Variants in GOLM2 observed in about 807,000 individuals in gnomAD.
GOLM2 encodes protein GOLM2.
A neutral mutation model predicts 55.9 loss-of-function variants in GOLM2; 26 were observed. That is an observed-to-expected ratio of 0.47 (90% CI 0.34 to 0.65). The LOEUF is 0.65. Among genes scored for constraint, GOLM2 ranks in the 30% least tolerant of loss-of-function variants. The pLI, the probability that GOLM2 is intolerant of heterozygous loss-of-function variation, is 0.01. For synonymous variants in GOLM2, 165 were observed against 194.6 expected, an observed-to-expected ratio of 0.85 and a Z score of 1.27; for missense variants, 486 against 531.8, an observed-to-expected ratio of 0.91 and a Z score of 0.85.
Position 44,289,207 on chromosome 15 carries a change from C to T in GOLM2, c.178C>T (p.Arg60Cys), listed in dbSNP as rs1595607579. 1.9e-6 allele frequency: 3 copies of T among 1,614,090 alleles called. No homozygotes were observed. The highest frequency in any genetic ancestry group is 2.5e-6 in the Non-Finnish European group (3 of 1,180,022). ...QGQVQRTEVARGRLEKRNSDL... is the reference protein window; with the variant it reads ...QGQVQRTEVACGRLEKRNSDL... ...CCAGGTCCAGCGCACCGAAGTGGCCCGCGGGCGGCTGGAAAAGCGCAATTC... is the reference window on the plus strand; with the variant it reads ...CCAGGTCCAGCGCACCGAAGTGGCCTGCGGGCGGCTGGAAAAGCGCAATTC... The change falls in exon 1 of 10, where the codon CGC (arginine) becomes TGC (cysteine). Residue 60 changes from arginine to cysteine, a missense_variant. By Grantham distance (180) the Arg-to-Cys change is radical. Coordinates refer to ENST00000299957, the MANE Select transcript of GOLM2 (RefSeq NM_138423.4). This position sits in a 1 kb window ranked among gnomAD's most constrained non-coding sequence, Gnocchi z 4.8.
chr15:44,379,616 T>G, intron 6 of GOLM2, 74 bp from the exon 7 acceptor site: 1 of 749,738 alleles, frequency 1.3e-6, no homozygotes, highest in Non-Finnish European at 2.2e-6. Context: ...TGATTCACGG[T>G]GGTTTTTTTT....
intron 1 of GOLM2, among the ~76,000 whole-genome samples, chr15:44,315,062 C>A (rs972814484): frequency 6.6e-6 from 1 of 152,144 alleles, no homozygotes; most frequent in Non-Finnish European, 1.5e-5. Flanking sequence ...ATCAGAATCA[C>A]GTAAGATTTT....
rs556671656 is a variant in GOLM2 at position 44,302,450 on chromosome 15, A to C, written c.327+13094A>C. Among the ~76,000 whole-genome samples the C allele has an allele frequency of 1.5e-3, 223 of 151,104 alleles. 1 individual carries two copies. The highest frequency in any genetic ancestry group is 5.2e-3 in the African/African-American group (215 of 41,210). ...ATGAGCCACCACGCCTAGTGGTTCT[A>C]GTTTTTTTCTTGTCTTCCAATGATA... On this transcript the variant is annotated intron_variant, in intron 1 of 9. Transcript: ENST00000299957.
intron 4 of GOLM2, among the ~76,000 whole-genome samples, chr15:44,336,528 A>G (rs1294774530): frequency 2.0e-5 from 3 of 152,226 alleles, no homozygotes; most frequent in African/African-American, 7.2e-5. Flanking sequence ...ACACGATGCA[A>G]ATATTTATTG....
intron 6 of GOLM2, among the ~76,000 whole-genome samples, chr15:44,373,456 C>CAA (rs571251472): frequency 5.9e-5 from 7 of 119,050 alleles, no homozygotes; most frequent in African/African-American, 1.9e-4. Flanking sequence ...GACTCCGTCT[C>CAA]AAAAAAAAAA....
At chr15:44,395,230 G>A (rs1269638222) in intron 8 of GOLM2, among the ~76,000 whole-genome samples, 6 of 148,076 alleles carry the variant, frequency 4.1e-5, no homozygotes, top group African/African-American at 7.5e-5. Flanking sequence ...CTGTGGTCTC[G>A]ATTTCCTGAC....
intron 6 of GOLM2, among the ~76,000 whole-genome samples, chr15:44,370,869 C>T (rs2079325242): frequency 6.6e-6 from 1 of 152,090 alleles, no homozygotes; most frequent in Non-Finnish European, 1.5e-5. Context: ...CTATGTTTTA[C>T]AGGCTGGTCT....
chr15:44,355,875 C>A (rs144267504), intron 6 of GOLM2, among the ~76,000 whole-genome samples: 1 of 151,710 alleles, frequency 6.6e-6, no homozygotes, highest in Non-Finnish European at 1.5e-5. Context: ...TGTCATGTAC[C>A]GTCAATAAAG....
In GOLM2 at chr15:44,289,327, G is replaced by A; in HGVS notation, c.298G>A (p.Gly100Ser). ...RLSSRLQARE[G>S]LGKRCEDDKV... Reference sequence around the variant, plus strand: ...CAGCAGCCGGCTGCAGGCCAGAGAGGGCCTCGGGAAGAGATGCGAGGATGA... The same window carrying A: ...CAGCAGCCGGCTGCAGGCCAGAGAGAGCCTCGGGAAGAGATGCGAGGATGA... Residue 100 changes from glycine to serine, a missense_variant, in exon 1 of 10, where the codon GGC becomes AGC. Coordinates refer to ENST00000299957, the MANE Select transcript of GOLM2 (RefSeq NM_138423.4). The surrounding 1 kb of genome is among the most constrained non-coding windows in gnomAD (Gnocchi z 4.8). 1 of 1,613,220 alleles carries A rather than the reference G, an allele frequency of 6.2e-7. No homozygotes were observed. Among genetic ancestry groups the A allele is most frequent in the Non-Finnish European group, 8.5e-7 (1 of 1,179,710 alleles).
chr15:44,395,314 T>C (rs2079518126), intron 8 of GOLM2, among the ~76,000 whole-genome samples: 1 of 151,698 alleles, frequency 6.6e-6, no homozygotes, highest in African/African-American at 2.4e-5. Flanking sequence ...GGCCAAAATA[T>C]AAACTTTTAA....
chr15:44,316,987 A>G (rs1051393780), intron 1 of GOLM2, among the ~76,000 whole-genome samples: 1 of 152,018 alleles, frequency 6.6e-6, no homozygotes, highest in East Asian at 1.9e-4. Context: ...CAGGCTGAAT[A>G]TATATATTCA....
At chr15:44,413,248 C>G in intron 9 of GOLM2, 88 bp from the exon 10 acceptor site, 1 of 924,450 alleles carries the variant, frequency 1.1e-6, no homozygotes, top group Non-Finnish European at 1.7e-6. Flanking sequence ...AGGAAACTAC[C>G]TTAAGGCTAT....
At chr15:44,342,736 G>A (rs892668173) in intron 6 of GOLM2, among the ~76,000 whole-genome samples, 2 of 152,184 alleles carry the variant, frequency 1.3e-5, no homozygotes, top group East Asian at 1.9e-4. Flanking sequence ...ATGCAAACAC[G>A]AAGGAAAGCC....
At chr15:44,304,990 T>A (rs1405566744) in intron 1 of GOLM2, among the ~76,000 whole-genome samples, 1 of 152,138 alleles carries the variant, frequency 6.6e-6, no homozygotes, top group African/African-American at 2.4e-5. Flanking sequence ...ATTTTAGCCT[T>A]CTTCTATGAA....
At chr15:44,327,656 T>A (rs1220654495) in intron 2 of GOLM2, among the ~76,000 whole-genome samples, 2 of 152,232 alleles carry the variant, frequency 1.3e-5, no homozygotes, top group Non-Finnish European at 2.9e-5. Flanking sequence ...TGTTAGCTGT[T>A]TTTAAAATCA....
chr15:44,343,834 A>AAG (rs2079104791), intron 6 of GOLM2, among the ~76,000 whole-genome samples: 1 of 151,862 alleles, frequency 6.6e-6, no homozygotes, highest in Non-Finnish European at 1.5e-5. Flanking sequence ...AAAAAAAAAA[A>AAG]AAAAGAAAAA....
chr15:44,376,354 C>T (rs530276792), intron 6 of GOLM2, among the ~76,000 whole-genome samples: 2 of 152,246 alleles, frequency 1.3e-5, no homozygotes, highest in East Asian at 1.9e-4. Context: ...CAGCCCTAGC[C>T]TCCTGGGCTC....
Position 44,369,599 on chromosome 15 carries a change from G to A in GOLM2, c.803-10091G>A, listed in dbSNP as rs1045452814. Among the ~76,000 whole-genome samples the A allele has an allele frequency of 7.9e-5, 12 of 151,332 alleles. No homozygotes were observed. In the South Asian group the frequency reaches 8.3e-4, roughly 11 times the overall value. On this transcript the variant is annotated intron_variant, in intron 6 of 9. Coordinates refer to ENST00000299957, the MANE Select transcript of GOLM2 (RefSeq NM_138423.4). ...AGCACTTTGGAAGGCCAAGGCGGGC[G>A]GATCGAGAGATCAGGAGTTTGAGAC...
chr15:44,308,714 C>T (rs2141117835), intron 1 of GOLM2, among the ~76,000 whole-genome samples: 1 of 152,208 alleles, frequency 6.6e-6, no homozygotes, highest in Admixed American at 6.5e-5. Context: ...TCTCCCACCT[C>T]AGACTCCTGA....
Sources: gnomAD v4.1 joint callset for allele counts (sites outside exome capture counted in the v4.1 genomes callset) on GRCh38, gnomAD v4.1.1 for gene constraint, Gnocchi (gnomAD v3.1) non-coding constraint, MANE v1.5 for transcripts, NCBI Gene and HGNC (gene_info 2026-07-23, HGNC 2026-07-21) for gene names.